FOCAD: variants seen among roughly 807,000 people sequenced by gnomAD.
FOCAD encodes the protein KIAA1797.
A neutral mutation model predicts 225.6 loss-of-function variants in FOCAD; 198 were observed. That is an observed-to-expected ratio of 0.88 (90% CI 0.78 to 0.99). FOCAD has a LOEUF of 0.99. FOCAD is among the 50% of genes least tolerant of loss of function. The pLI, the probability that FOCAD is intolerant of heterozygous loss-of-function variation, is 0.00. For synonymous variants in FOCAD, 897 were observed against 755.0 expected (o/e 1.19, Z -3.08); for missense variants, 2,713 against 2,123.6 (o/e 1.28, Z -5.46).
intron 23 of FOCAD, 67 bp from the exon 24 acceptor site, chr9:20,916,826 G>GA: frequency 7.0e-7 from 1 of 1,426,620 alleles, no homozygotes; most frequent in East Asian, 2.4e-5. Context: ...ATTAATTGAT[G>GA]AAAAAGAGAA....
intron 35 of FOCAD, among the ~76,000 whole-genome samples, chr9:20,954,860 C>T (rs1837992514): frequency 6.6e-6 from 1 of 152,122 alleles, no homozygotes; most frequent in Non-Finnish European, 1.5e-5. Context: ...GGAGTGGGGG[C>T]CGTGGGAGGC....
At chr9:20,756,673 C>T (rs1587037454) in intron 5 of FOCAD, among the ~76,000 whole-genome samples, 1 of 152,114 alleles carries the variant, frequency 6.6e-6, no homozygotes, top group East Asian at 1.9e-4. Context: ...TTTATTAGGT[C>T]TGGGCTAGGG....
At chr9:20,677,977 T>C (rs1436496842) in intron 2 of FOCAD, among the ~76,000 whole-genome samples, 5 of 152,218 alleles carry the variant, frequency 3.3e-5, no homozygotes. Context: ...TATGTGTGTG[T>C]GTATATGAAG....
At chr9:20,805,636 A>G (rs1003609597) in intron 11 of FOCAD, among the ~76,000 whole-genome samples, 1 of 152,084 alleles carries the variant, frequency 6.6e-6, no homozygotes, top group African/African-American at 2.4e-5. Flanking sequence ...CCCAAAAGAT[A>G]TGGAACTGTT....
At chr9:20,775,848 T>C (rs1818703893) in intron 8 of FOCAD, among the ~76,000 whole-genome samples, 1 of 152,074 alleles carries the variant, frequency 6.6e-6, no homozygotes, top group African/African-American at 2.4e-5. Flanking sequence ...TACTCATTTT[T>C]TGTATTTTAT....
In FOCAD at chr9:20,951,096, C is replaced by G; in HGVS notation, c.4049C>G (p.Ser1350Cys). The change falls in exon 34 of 44, where the codon TCT (serine) becomes TGT (cysteine). Residue 1350 changes from serine to cysteine, a missense_variant and splice_region_variant. Physicochemically the swap from Ser to Cys is moderately radical, Grantham distance 112. Coordinates refer to ENST00000338382, the MANE Select transcript of FOCAD (RefSeq NM_001375567.1). ...CTATCCTCAAGTCAAAGTAGAGCCT[C>G]TGGTAAGATTAAAGTCATAAAATAC... ...STLSSSQSRA[S>C]VPTDYSYLPE... 1.2e-6 allele frequency: 2 copies of G among 1,611,422 alleles called. No individual in the cohort carries two copies. Among genetic ancestry groups the G allele is most frequent in the Non-Finnish European group, 1.7e-6 (2 of 1,177,700 alleles).
chr9:20,859,223 TA>T (rs1828524642), intron 15 of FOCAD, among the ~76,000 whole-genome samples: 1 of 151,820 alleles, frequency 6.6e-6, no homozygotes, highest in Non-Finnish European at 1.5e-5. Context: ...AAATCCAAAT[TA>T]AAAAAACATT....
intron 5 of FOCAD, among the ~76,000 whole-genome samples, chr9:20,748,768 A>G (rs1309385682): frequency 6.6e-6 from 1 of 152,036 alleles, no homozygotes; most frequent in East Asian, 1.9e-4. Flanking sequence ...TCCACTCAGG[A>G]AAGTCTTTAT....
chr9:20,871,431 T>C (rs529571738), intron 18 of FOCAD, among the ~76,000 whole-genome samples: 22 of 152,134 alleles, frequency 1.4e-4, no homozygotes, highest in African/African-American at 5.1e-4. Context: ...GCCAAAATTT[T>C]ATAACCTTAA....
chr9:20,659,093 G>A (rs569449528), intron 2 of FOCAD, among the ~76,000 whole-genome samples: 3 of 152,192 alleles, frequency 2.0e-5, no homozygotes, highest in East Asian at 3.9e-4. Context: ...GGTGGTGTGC[G>A]CCTGTAGTCC....
At chr9:20,708,687 G>C (rs1430318827) in intron 1 of FOCAD, among the ~76,000 whole-genome samples, 1 of 152,028 alleles carries the variant, frequency 6.6e-6, no homozygotes, top group Non-Finnish European at 1.5e-5. Flanking sequence ...AGGATGGGCG[G>C]ATCACTTGAG....
At chr9:20,738,933 T>G (rs1346011260) in intron 4 of FOCAD, among the ~76,000 whole-genome samples, 1 of 152,206 alleles carries the variant, frequency 6.6e-6, no homozygotes, top group Non-Finnish European at 1.5e-5. Flanking sequence ...AATATTCTTT[T>G]TTTTGTGTCC....
chr9:20,807,827 A>G (rs895734374), intron 11 of FOCAD, among the ~76,000 whole-genome samples: 2 of 152,168 alleles, frequency 1.3e-5, no homozygotes, highest in Non-Finnish European at 2.9e-5. Context: ...AGGTGGGCGG[A>G]TCACTCGAGG....
chr9:20,948,788 T>A, intron 31 of FOCAD, 63 bp from the exon 32 acceptor site: 1 of 1,568,562 alleles, frequency 6.4e-7, no homozygotes. Context: ...TCCTCAGAAG[T>A]TTTATAGAAT....
At position 20,881,932 on chromosome 9, in the gene FOCAD, A is replaced by T; in HGVS notation, c.2379A>T (p.Ile793=). The T allele has an allele frequency of 1.9e-6, 3 of 1,613,932 alleles. No homozygotes were observed. The highest frequency in any genetic ancestry group is 2.5e-6 in the Non-Finnish European group (3 of 1,179,904). The change falls in exon 20 of 44, where the codon ATA becomes ATT. Residue 793 remains isoleucine (I), a synonymous_variant. Transcript: ENST00000338382. ...KQEMVNMPRG[I]YHSALKGGAR... is the part of the protein sequence containing the mutation. Reference sequence around the variant, plus strand: ...AAATGGTGAATATGCCTCGTGGGATATATCACTCTGCATTAAAAGGAGGTG... The same window carrying T: ...AAATGGTGAATATGCCTCGTGGGATTTATCACTCTGCATTAAAAGGAGGTG...
At chr9:20,877,835 G>C (rs1389570166) in intron 19 of FOCAD, among the ~76,000 whole-genome samples, 1 of 152,036 alleles carries the variant, frequency 6.6e-6, no homozygotes. Context: ...GCTTGAACCT[G>C]GGGCAGAGGT....
At chr9:20,778,044 C>A (rs1345164898) in intron 8 of FOCAD, among the ~76,000 whole-genome samples, 1 of 125,018 alleles carries the variant, frequency 8.0e-6, no homozygotes, top group Non-Finnish European at 1.6e-5. Flanking sequence ...GAGCGGAGAT[C>A]GTGCCACAGC....
intron 40 of FOCAD, among the ~76,000 whole-genome samples, chr9:20,988,023 A>T (rs1177942482): frequency 6.6e-6 from 1 of 152,242 alleles, no homozygotes; most frequent in African/African-American, 2.4e-5. Flanking sequence ...GGCATGCCAG[A>T]TTTCTCCTAG....
chr9:20,976,339 G>C, intron 35 of FOCAD, 81 bp from the exon 36 acceptor site: 4 of 1,345,352 alleles, frequency 3.0e-6, no homozygotes, highest in Non-Finnish European at 3.1e-6. Flanking sequence ...GATGCTAGAA[G>C]GAAAGAAGGA....
Sources: allele counts gnomAD v4.1 joint callset (sites outside exome capture counted in the v4.1 genomes callset), GRCh38; gene constraint gnomAD v4.1.1; transcripts MANE v1.5; gene names NCBI Gene and HGNC (gene_info 2026-07-23, HGNC 2026-07-21).